The following NRG2 variants were observed in gnomAD, a reference collection of about 807,000 sequenced individuals.
The protein encoded by NRG2 is pro-neuregulin-2, membrane-bound isoform.
Under a neutral mutation model 73.9 loss-of-function variants are expected in NRG2, and 27 were observed. The ratio of observed to expected loss-of-function variants is 0.37; its 90% CI spans 0.27 to 0.50. The LOEUF is 0.50. NRG2 is among the 20% of genes least tolerant of loss of function. The pLI is 0.96. For synonymous variants in NRG2, 532 were observed against 541.0 expected (o/e 0.98, Z 0.23); for missense variants, 1,126 against 1,210.1 (o/e 0.93, Z 1.03).
In NRG2 at chr5:139,887,333, T is replaced by C. The variant is rs1763930506; in HGVS notation, c.872+7A>G. On this transcript the variant is annotated splice_region_variant and intron_variant, in intron 2 of 9. Coordinates refer to ENST00000361474, the MANE Select transcript of NRG2 (RefSeq NM_004883.3). The surrounding 1 kb of genome is among the most constrained non-coding windows in gnomAD (Gnocchi z 4.5). ...CTTGGATGGAGGACAGGCTGGATAT[T>C]GCTTACCTGCCGTTGCCATATTTGA... is the stretch of plus-strand genomic sequence containing the variant. The C allele has an allele frequency of 1.9e-6, 3 of 1,613,908 alleles. No individual in the cohort carries two copies. Among genetic ancestry groups the C allele is most frequent in the Non-Finnish European group, 2.5e-6 (3 of 1,179,878 alleles).
intron 1 of NRG2, among the ~76,000 whole-genome samples, chr5:139,928,202 C>T (rs1030353978): frequency 6.6e-6 from 1 of 152,152 alleles, no homozygotes; most frequent in Non-Finnish European, 1.5e-5. Context: ...CATGAATGCC[C>T]AGGGCCTAAG....
chr5:139,848,316 C>A lies in NRG2; in HGVS notation c.2154G>T (p.Glu718Asp). 5.9e-6 allele frequency: 7 copies of A among 1,188,068 alleles called. No homozygotes were observed. Among genetic ancestry groups the A allele is most frequent in the Non-Finnish European group, 7.3e-6 (7 of 961,096 alleles). The allele number at this position is 1,188,068 out of a possible 1,614,324, so 73.6% of individuals were successfully genotyped here. ...PEDDEYETTQ[E>D]CAPPPPPRPR... ...GCCGCGGCGGCGGCGGGGGCGCGCA[C>A]TCCTGCGTGGTCTCGTACTCGTCGT... Residue 718 changes from glutamate to aspartate, a missense_variant, in exon 10 of 10, where the codon GAG becomes GAT. Physicochemically the swap from Glu to Asp is conservative, Grantham distance 45. Coordinates refer to ENST00000361474, the MANE Select transcript of NRG2 (RefSeq NM_004883.3).
At chr5:140,018,539 A>G (rs1759973946) in intron 1 of NRG2, among the ~76,000 whole-genome samples, 3 of 152,236 alleles carry the variant, frequency 2.0e-5, no homozygotes, top group Admixed American at 1.3e-4. Flanking sequence ...GATAGCTTCC[A>G]AAGCCTGGAA....
At chr5:139,848,776 T>TTGGGGG in intron 9 of NRG2, 79 bp from the exon 10 acceptor site, 2 of 39,556 alleles carry the variant, frequency 5.1e-5, no homozygotes, top group Non-Finnish European at 9.4e-5. Context: ...TGGGGTAGGG[T>TTGGGGG]GGGAGGGGCG....
Position 139,848,552 on chromosome 5 carries a change from G to C in NRG2, c.1918C>G (p.Arg640Gly), listed in dbSNP as rs1186961169. 6.5e-7 allele frequency: 1 copy of C among 1,534,048 alleles called. No individual in the cohort carries two copies. The highest frequency in any genetic ancestry group is 8.7e-7 in the Non-Finnish European group (1 of 1,151,938). ...SLPPAAPISY[R>G]LAEQQPLLRH... is the part of the protein sequence containing the mutation. ...AGTAACGGCTGCTGCTCGGCCAGGC[G>C]GTAACTGATGGGCGCCGCCGGCGGC... The change falls in exon 10 of 10, where the codon CGC becomes GGC. Residue 640 changes from arginine (R) to glycine (G), a missense_variant. By Grantham distance (125) the Arg-to-Gly change is moderately radical. Transcript: ENST00000361474.
At chr5:140,003,851 C>G (rs879655168) in intron 1 of NRG2, among the ~76,000 whole-genome samples, 1 of 152,194 alleles carries the variant, frequency 6.6e-6, no homozygotes, top group Non-Finnish European at 1.5e-5. Flanking sequence ...TTCCTCCTTT[C>G]TTCTCTTACT....
intron 1 of NRG2, among the ~76,000 whole-genome samples, chr5:139,896,244 T>C (rs1764534073): frequency 6.6e-6 from 1 of 152,084 alleles, no homozygotes; most frequent in Admixed American, 6.5e-5. Flanking sequence ...AACAGACATA[T>C]GGTGGAGAAA....
In NRG2 at chr5:139,847,401, C is replaced by A. The variant is rs978127668; in HGVS notation, c.*516G>T. On this transcript the variant is annotated 3_prime_UTR_variant, in exon 10 of 10. Transcript: ENST00000361474. Reference sequence around the variant, plus strand: ...AGCCTAGGGTCCTGGCCCTCTCCTCCCAGGGGTCGGGAACTTCAGCTCTTG... The same window carrying A: ...AGCCTAGGGTCCTGGCCCTCTCCTCACAGGGGTCGGGAACTTCAGCTCTTG... 6 of 152,290 alleles carry A rather than the reference C, an allele frequency of 3.9e-5. No individual in the cohort carries two copies. The highest frequency in any genetic ancestry group is 1.4e-4 in the African/African-American group (6 of 41,402). The allele number at this position is 152,290 out of a possible 1,614,324, so 9.4% of individuals were successfully genotyped here. A position where few individuals can be genotyped will look rare whatever the true frequency, so the allele number is the denominator to read the frequency against.
intron 3 of NRG2, among the ~76,000 whole-genome samples, chr5:139,875,668 G>C (rs1026334354): frequency 6.6e-6 from 1 of 152,120 alleles, no homozygotes; most frequent in East Asian, 1.9e-4. Flanking sequence ...GCTCACCCCC[G>C]TAATCCTAGC....
intron 1 of NRG2, among the ~76,000 whole-genome samples, chr5:139,982,240 C>G (rs1756857708): frequency 6.6e-6 from 1 of 152,148 alleles, no homozygotes; most frequent in South Asian, 2.1e-4. Context: ...CCCCGATCTG[C>G]TCCTGCACTC....
chr5:139,904,250 C>A lies in NRG2; in HGVS notation c.701-16739G>T. ...CCGCGCTGCGCTGGGGGCGGGTGAG[C>A]GGGCGGCAGGTTTCTCCCAGGGAAA... On this transcript the variant is annotated intron_variant, in intron 1 of 9. Coordinates refer to ENST00000361474, the MANE Select transcript of NRG2 (RefSeq NM_004883.3). The surrounding 1 kb of genome is among the most constrained non-coding windows in gnomAD (Gnocchi z 6.0). 1 of 1,540,734 alleles carries A rather than the reference C, an allele frequency of 6.5e-7. No individual in the cohort carries two copies.
At chr5:139,877,626 T>C (rs955827754) in intron 3 of NRG2, among the ~76,000 whole-genome samples, 38 of 152,362 alleles carry the variant, frequency 2.5e-4, no homozygotes, top group Admixed American at 2.0e-3. Flanking sequence ...TGTTCAAGGG[T>C]AGGCTCTTGC....
chr5:139,951,843 A>G (rs927656962), intron 1 of NRG2, among the ~76,000 whole-genome samples: 1 of 152,232 alleles, frequency 6.6e-6, no homozygotes, highest in African/African-American at 2.4e-5. Flanking sequence ...CTGGCCTGGC[A>G]GGAAGGACAA....
intron 1 of NRG2, among the ~76,000 whole-genome samples, chr5:139,948,643 T>A (rs1224822453): frequency 1.3e-5 from 2 of 152,250 alleles, no homozygotes; most frequent in African/African-American, 4.8e-5. Flanking sequence ...GGACTTTATC[T>A]TGAGTGCTAT....
At chr5:139,914,114 G>A (rs958064811) in intron 1 of NRG2, among the ~76,000 whole-genome samples, 1 of 152,094 alleles carries the variant, frequency 6.6e-6, no homozygotes, top group African/African-American at 2.4e-5. Flanking sequence ...AACCAAGATC[G>A]CTACCACTGC....
At chr5:140,018,817 C>T (rs1422905651) in intron 1 of NRG2, among the ~76,000 whole-genome samples, 2 of 152,176 alleles carry the variant, frequency 1.3e-5, no homozygotes, top group South Asian at 2.1e-4. Flanking sequence ...CTTTTCAAAC[C>T]TTTGAGGCAC....
intron 1 of NRG2, among the ~76,000 whole-genome samples, chr5:139,928,636 C>T (rs1694869424): frequency 6.6e-6 from 1 of 152,202 alleles, no homozygotes; most frequent in Admixed American, 6.5e-5. Flanking sequence ...CAAATTGTGT[C>T]TCTGATGCTG....
intron 1 of NRG2, among the ~76,000 whole-genome samples, chr5:139,932,816 A>C (rs1752572846): frequency 6.6e-6 from 1 of 152,204 alleles, no homozygotes; most frequent in Non-Finnish European, 1.5e-5. Flanking sequence ...GTCAAGAAGA[A>C]AAAGAACTGA....
At chr5:140,018,433 C>T (rs553116962) in intron 1 of NRG2, among the ~76,000 whole-genome samples, 1 of 152,296 alleles carries the variant, frequency 6.6e-6, no homozygotes, top group African/African-American at 2.4e-5. Flanking sequence ...AAGAGGAAAA[C>T]GGAGGCACAG....
Sources: gnomAD v4.1 joint callset for allele counts (sites outside exome capture counted in the v4.1 genomes callset) on GRCh38, gnomAD v4.1.1 for gene constraint, Gnocchi (gnomAD v3.1) non-coding constraint, MANE v1.5 for transcripts, NCBI Gene and HGNC (gene_info 2026-07-23, HGNC 2026-07-21) for gene names.